The following STX7 variants were observed in gnomAD, a reference collection of about 807,000 sequenced individuals.
The protein encoded by STX7 is syntaxin 7.
A neutral mutation model predicts 39.6 loss-of-function variants in STX7; 34 were observed. That is an observed-to-expected ratio of 0.86 (90% CI 0.65 to 1.14). The LOEUF (loss-of-function observed/expected upper bound fraction) is 1.14, where lower values mean the gene tolerates loss of function less well. Among genes scored for constraint, STX7 ranks in the 50% most tolerant of loss-of-function variants. The pLI, the probability that STX7 is intolerant of heterozygous loss-of-function variation, is 0.00. For missense variants in STX7, 284 were observed against 310.4 expected (o/e 0.92, Z 0.64); for synonymous variants, 119 against 99.1 (o/e 1.20, Z -1.19).
chr6:132,460,490 G>A lies in STX7; in HGVS notation c.*268C>T, dbSNP rs747240555. 3.7e-6 allele frequency: 1 copy of A among 268,246 alleles called. No individual in the cohort carries two copies. Among genetic ancestry groups the A allele is most frequent in the Non-Finnish European group, 7.0e-6 (1 of 143,054 alleles). The allele number at this position is 268,246 out of a possible 1,614,324, so 16.6% of individuals were successfully genotyped here. ...CAGGGTAAATAAATTATAAATGAAAGGCATATGCAATGTGGGCAAAAACTT... is the reference window on the plus strand; with the variant it reads ...CAGGGTAAATAAATTATAAATGAAAAGCATATGCAATGTGGGCAAAAACTT... On this transcript the variant is annotated 3_prime_UTR_variant, in exon 10 of 10. Coordinates refer to ENST00000367941, the MANE Select transcript of STX7 (RefSeq NM_003569.3).
intron 9 of STX7, 28 bp from the exon 10 acceptor site, chr6:132,460,878 A>G (rs776667473): frequency 6.3e-7 from 1 of 1,593,410 alleles, no homozygotes; most frequent in African/African-American, 1.3e-5. Flanking sequence ...AAAACAAAAC[A>G]AAAAAACATG....
intron 2 of STX7, among the ~76,000 whole-genome samples, chr6:132,481,556 CCTT>C (rs1306328481): frequency 7.5e-6 from 1 of 132,844 alleles, no homozygotes; most frequent in African/African-American, 2.5e-5. Context: ...CTAACAACCT[CCTT>C]GTCACTCTGA....
At chr6:132,491,134 G>T (rs9375891) in intron 2 of STX7, among the ~76,000 whole-genome samples, 141,364 of 151,708 alleles carry the variant, frequency 0.93, 66,033 homozygotes, top group Middle Eastern at 1. Flanking sequence ...AAAAAATGGG[G>T]AGAGTAACCA....
intron 2 of STX7, among the ~76,000 whole-genome samples, 165 bp from the exon 3 acceptor site, chr6:132,475,827 T>C (rs1350884142): frequency 2.0e-5 from 3 of 152,108 alleles, no homozygotes; most frequent in Non-Finnish European, 4.4e-5. Flanking sequence ...ATGGTTTACT[T>C]AAATCTAATT....
chr6:132,480,736 A>G (rs1002799), intron 2 of STX7, among the ~76,000 whole-genome samples: 37,895 of 152,158 alleles, frequency 0.25, 5,350 homozygotes, highest in East Asian at 0.65. Flanking sequence ...GGGTTATCCC[A>G]AACAGCAGAG....
chr6:132,495,784 T>G (rs1421768190), intron 2 of STX7, among the ~76,000 whole-genome samples: 1 of 152,156 alleles, frequency 6.6e-6, no homozygotes, highest in Non-Finnish European at 1.5e-5. Context: ...GGCTCACACT[T>G]TTACATAGAC....
intron 2 of STX7, among the ~76,000 whole-genome samples, chr6:132,484,965 T>G (rs1043748791): frequency 2.6e-5 from 4 of 152,232 alleles, no homozygotes; most frequent in Non-Finnish European, 5.9e-5. Flanking sequence ...GTTGTTCTCT[T>G]GAAGGTCAGA....
rs1286409849 is a variant in STX7, at chr6:132,460,202, A to C, written c.*556T>G. The C allele has an allele frequency of 6.6e-6, 1 of 152,220 alleles. No individual in the cohort carries two copies. The highest frequency in any genetic ancestry group is 1.5e-5 in the Non-Finnish European group (1 of 68,048). The allele number at this position is 152,220 out of a possible 1,614,324, so 9.4% of individuals were successfully genotyped here. ...AAATAAACTAGAAAAGTATTCACCG[A>C]CTTCAGGGTAAAAAAGATCTTAAAA... On this transcript the variant is annotated 3_prime_UTR_variant, in exon 10 of 10. Coordinates refer to ENST00000367941, the MANE Select transcript of STX7 (RefSeq NM_003569.3).
intron 9 of STX7, 39 bp downstream of exon 9, chr6:132,463,954 A>G: frequency 6.3e-7 from 1 of 1,592,898 alleles, no homozygotes; most frequent in Non-Finnish European, 8.6e-7. Context: ...CACATACGAA[A>G]AGGATAAGTT....
rs1245448378 is a variant in STX7 at position 132,464,203 on chromosome 6, T to C, written c.611-128A>G. On this transcript the variant is annotated intron_variant, in intron 8 of 9. Coordinates refer to ENST00000367941, the MANE Select transcript of STX7 (RefSeq NM_003569.3). ...TTCAAAGGTTAATAGTAGTATATCA[T>C]AAAGTTGAATTTTTTTAAGCTGGCT... 5.5e-6 allele frequency: 5 copies of C among 902,108 alleles called. No individual in the cohort carries two copies. The African/African-American group carries it at 6.7e-5, about 12-fold the overall frequency. The allele number at this position is 902,108 out of a possible 1,614,324, so 55.9% of individuals were successfully genotyped here.
chr6:132,493,060 C>T (rs1775335000), intron 2 of STX7, among the ~76,000 whole-genome samples: 1 of 152,124 alleles, frequency 6.6e-6, no homozygotes, highest in Admixed American at 6.5e-5. Context: ...TTGGTGATGT[C>T]TGTGGGCATT....
intron 2 of STX7, 23 bp from the exon 3 acceptor site, chr6:132,475,685 TATTA>T (rs1774856641): frequency 1.3e-6 from 2 of 1,539,786 alleles, no homozygotes; most frequent in Admixed American, 3.5e-5. Flanking sequence ...AAAATTCATG[TATTA>T]ATTGTCACAA....
At chr6:132,504,684 G>GGAAGTA (rs1285515414) in intron 1 of STX7, among the ~76,000 whole-genome samples, 1 of 152,048 alleles carries the variant, frequency 6.6e-6, no homozygotes, top group Non-Finnish European at 1.5e-5. Flanking sequence ...CTCAAATCAA[G>GGAAGTA]TTTGTCATTT....
At chr6:132,464,807 C>A (rs1028010123) in intron 8 of STX7, among the ~76,000 whole-genome samples, 1 of 152,148 alleles carries the variant, frequency 6.6e-6, no homozygotes, top group Admixed American at 6.5e-5. Context: ...TACTTCTGTG[C>A]TAAAATCTAG....
chr6:132,491,821 A>C (rs1390389134), intron 2 of STX7, among the ~76,000 whole-genome samples: 3 of 151,708 alleles, frequency 2.0e-5, no homozygotes, highest in Non-Finnish European at 2.9e-5. Flanking sequence ...CCTGGCCCCA[A>C]CTCCAACCTG....
chr6:132,505,868 A>G (rs1260010582), intron 1 of STX7, among the ~76,000 whole-genome samples: 2 of 152,198 alleles, frequency 1.3e-5, no homozygotes, highest in East Asian at 3.8e-4. Flanking sequence ...TAACTAAAAC[A>G]GCATGATATT....
Position 132,489,200 on chromosome 6 carries a change from T to TAAAAAAA in STX7, c.86-13545_86-13539dup, listed in dbSNP as rs745673648. On this transcript the variant is annotated intron_variant, in intron 2 of 9. Transcript: ENST00000367941. ...TGGGCAACAGAGTGGGACTCTGTCT[T>TAAAAAAA]AAAAAAAAAAAAAAAAAAAAAAAAA... Among the ~76,000 whole-genome samples the TAAAAAAA allele has an allele frequency of 1.0e-3, 87 of 83,132 alleles. 1 individual carries two copies. The highest frequency in any genetic ancestry group is 4.9e-3 in the African/African-American group (83 of 16,854). 54.5% of individuals were successfully genotyped at this position (83,132 alleles called of 152,430 possible).
At chr6:132,500,328 C>T (rs1393226639) in intron 2 of STX7, among the ~76,000 whole-genome samples, 1 of 152,196 alleles carries the variant, frequency 6.6e-6, no homozygotes, top group African/African-American at 2.4e-5. Flanking sequence ...GGTTTCATCT[C>T]CTGGCACTCT....
intron 9 of STX7, among the ~76,000 whole-genome samples, chr6:132,462,503 G>A (rs1774433886): frequency 6.6e-6 from 1 of 151,926 alleles, no homozygotes; most frequent in Non-Finnish European, 1.5e-5. Flanking sequence ...AATACCATGT[G>A]AACCTAGTCA....
Sources: gnomAD v4.1 joint callset for allele counts (sites outside exome capture counted in the v4.1 genomes callset) on GRCh38, gnomAD v4.1.1 for gene constraint, MANE v1.5 for transcripts, NCBI Gene and HGNC (gene_info 2026-07-23, HGNC 2026-07-21) for gene names.